TRPA1: variants seen among roughly 807,000 people sequenced by gnomAD.
TRPA1 encodes the protein transient receptor potential cation channel subfamily A member 1, also known as ankyrin-like with transmembrane domains 1.
In TRPA1, 129 loss-of-function variants were observed where a neutral mutation model predicts 131.3. The ratio of observed to expected loss-of-function variants is 0.98; its 90% CI spans 0.85 to 1.14. TRPA1 has a LOEUF of 1.14. TRPA1 is among the 50% of genes most tolerant of loss of function. TRPA1 has a pLI of 0.00. For missense variants in TRPA1, 1,304 were observed against 1,354.2 expected, an observed-to-expected ratio of 0.96 and a Z score of 0.58; for synonymous variants, 441 against 451.7, an observed-to-expected ratio of 0.98 and a Z score of 0.30.
rs533264844 is a variant in TRPA1 at position 72,068,932 on chromosome 8, T to A, written c.444+91A>T. 18 of 1,321,780 alleles carry A rather than the reference T, an allele frequency of 1.4e-5. No homozygotes were observed. The South Asian group carries it at 2.0e-4, about 15-fold the overall frequency. 81.9% of individuals were successfully genotyped at this position (1,321,780 alleles called of 1,614,324 possible). On this transcript the variant is annotated intron_variant, in intron 3 of 26. Coordinates refer to ENST00000262209, the MANE Select transcript of TRPA1 (RefSeq NM_007332.3). ...TTGTTTGCCATGGAAGCTTAGAAGG[T>A]GCTCATCCTGGTGCAAGCAGAGAGA...
chr8:72,062,993 TA>T, intron 5 of TRPA1, 49 bp from the exon 6 acceptor site: 1 of 1,536,338 alleles, frequency 6.5e-7, no homozygotes, highest in South Asian at 1.2e-5. Context: ...AAATAAATAA[TA>T]GGGAGGTTTT....
At chr8:72,057,195 CTG>C (rs150889648) in intron 9 of TRPA1, among the ~76,000 whole-genome samples, 178 bp from the exon 10 acceptor site, 3 of 151,742 alleles carry the variant, frequency 2.0e-5, no homozygotes, top group East Asian at 1.9e-4. Context: ...AACTTACTCT[CTG>C]TGTGTGTGTG....
intron 12 of TRPA1, 77 bp from the exon 13 acceptor site, chr8:72,053,944 C>T: frequency 1.0e-6 from 1 of 962,272 alleles, no homozygotes; most frequent in Non-Finnish European, 1.6e-6. Context: ...TTGGCTTATT[C>T]TAGGTAAATC....
Position 72,036,183 on chromosome 8 carries a change from C to T in TRPA1, c.2555+105G>A. 4.1e-6 allele frequency: 5 copies of T among 1,211,174 alleles called. No homozygotes were observed. The Admixed American group carries it at 8.7e-5, about 21-fold the overall frequency. 75.0% of individuals were successfully genotyped at this position (1,211,174 alleles called of 1,614,324 possible). A position where few individuals can be genotyped will look rare whatever the true frequency, so the allele number is the denominator to read the frequency against. ...AAAAATTCTTCATATTTTGAAACAACTGGAAAAGGAATAAGCCAGTTTTAA... is the reference window on the plus strand; with the variant it reads ...AAAAATTCTTCATATTTTGAAACAATTGGAAAAGGAATAAGCCAGTTTTAA... On this transcript the variant is annotated intron_variant, in intron 21 of 26. Transcript: ENST00000262209.
At chr8:72,057,651 C>G (rs747543371) in intron 9 of TRPA1, 66 bp downstream of exon 9, 3 of 1,170,446 alleles carry the variant, frequency 2.6e-6, no homozygotes, top group Non-Finnish European at 3.9e-6. Flanking sequence ...ATTTGGCACA[C>G]AGTGAATGTT....
At chr8:72,089,330 C>A in the TRPA1 span, among the ~76,000 whole-genome samples, 17,031 of 151,948 alleles carry the variant, frequency 0.11, 1,163 homozygotes, top group Middle Eastern at 0.19. Context: ...TTCTATGGTG[C>A]AACTTTCCTT....
At chr8:72,050,958 G>A in intron 14 of TRPA1, 87 bp from the exon 15 acceptor site, 9 of 995,240 alleles carry the variant, frequency 9.0e-6, no homozygotes, top group Non-Finnish European at 1.4e-5. Flanking sequence ...TTTCTTTAGG[G>A]GAAACCTAAA....
the TRPA1 span, among the ~76,000 whole-genome samples, chr8:72,080,791 G>A: frequency 6.6e-6 from 1 of 151,676 alleles, no homozygotes; most frequent in South Asian, 2.1e-4. Context: ...TGAGAAGTTT[G>A]TCCATTTAAT....
chr8:72,050,094 TC>T (rs1805460558), intron 15 of TRPA1, among the ~76,000 whole-genome samples: 1 of 151,868 alleles, frequency 6.6e-6, no homozygotes, highest in Admixed American at 6.6e-5. Context: ...CACTCCCCTC[TC>T]CCCCCACCCC....
rs137883901 is a variant in TRPA1 at position 72,029,090 on chromosome 8, T to C, written c.2937+811A>G. The stretch of plus-strand genomic sequence containing the variant: ...CAGGAAGGCACCTCACAAGATTCAA[T>C]AGCCAAATACCTAGCCAGGAAACTT... On this transcript the variant is annotated intron_variant, in intron 24 of 26. Transcript: ENST00000262209. Among the ~76,000 whole-genome samples, 16 of 152,328 alleles carry C rather than the reference T, an allele frequency of 1.1e-4. No homozygotes were observed. The East Asian group carries it at 1.9e-3, about 18-fold the overall frequency.
At chr8:72,049,522 T>C (rs986066684) in intron 15 of TRPA1, among the ~76,000 whole-genome samples, 3 of 152,200 alleles carry the variant, frequency 2.0e-5, no homozygotes, top group Non-Finnish European at 4.4e-5. Flanking sequence ...GAAGTCATTC[T>C]GCCTTTCTTG....
upstream of TRPA1, among the ~76,000 whole-genome samples, chr8:72,079,543 A>G (rs377017321): frequency 4.6e-5 from 7 of 151,990 alleles, no homozygotes; most frequent in African/African-American, 1.2e-4. Flanking sequence ...CTAGACCCCT[A>G]TCTTCTTCCA....
At chr8:72,047,997 C>T (rs80253198) in intron 15 of TRPA1, among the ~76,000 whole-genome samples, 2,218 of 151,794 alleles carry the variant, frequency 0.015, 70 homozygotes, top group African/African-American at 0.05. Context: ...GTGTTTGCTT[C>T]TATACCTCAT....
chr8:72,057,225 G>T (rs1354800383), intron 9 of TRPA1, among the ~76,000 whole-genome samples: 1 of 152,078 alleles, frequency 6.6e-6, no homozygotes, highest in Non-Finnish European at 1.5e-5. Context: ...ATGTGTAAGT[G>T]GGGTAGAAAA....
Position 72,059,418 on chromosome 8 carries a change from T to C in TRPA1, c.965A>G (p.His322Arg). Residue 322 changes from histidine to arginine, a missense_variant, in exon 8 of 27, where the codon CAT (histidine) becomes CGT (arginine). Transcript: ENST00000262209. The stretch of plus-strand genomic sequence containing the variant: ...TGAAATTAAATAGTCTGCTAGCTCA[T>C]GGTGATCAAACAATGAAGCTCTGAA... ...MLHRASLFDHHELADYLISVG... is the reference protein window; with the variant it reads ...MLHRASLFDHRELADYLISVG... 1 of 1,585,566 alleles carries C rather than the reference T, an allele frequency of 6.3e-7. No individual in the cohort carries two copies. Among genetic ancestry groups the C allele is most frequent in the Non-Finnish European group, 8.6e-7 (1 of 1,159,428 alleles).
intron 7 of TRPA1, 118 bp downstream of exon 7, chr8:72,061,507 C>A (rs1310582650): frequency 1.7e-6 from 2 of 1,203,830 alleles, no homozygotes; most frequent in East Asian, 4.7e-5. Context: ...TTATCTTTGC[C>A]CTTTTCCTTT....
chr8:72,049,215 A>G (rs987415102), intron 15 of TRPA1, among the ~76,000 whole-genome samples: 1 of 152,210 alleles, frequency 6.6e-6, no homozygotes, highest in African/African-American at 2.4e-5. Flanking sequence ...CAGCACAAAA[A>G]TAGTAGGAGG....
chr8:72,075,540 A>G lies in TRPA1; in HGVS notation c.-131T>C, dbSNP rs1806161028. ...CGAGCTCTCCCGCGCTGCAGCTCAC[A>G]GGCAGCGAAAAAGTCGCTCTGCGGA... On this transcript the variant is annotated 5_prime_UTR_variant, in exon 1 of 27. Coordinates refer to ENST00000262209, the MANE Select transcript of TRPA1 (RefSeq NM_007332.3). 2 of 759,382 alleles carry G rather than the reference A, an allele frequency of 2.6e-6. No homozygotes were observed. The highest frequency in any genetic ancestry group is 1.7e-5 in the African/African-American group (1 of 58,224). 47.0% of individuals were successfully genotyped at this position (759,382 alleles called of 1,614,324 possible). A position where few individuals can be genotyped will look rare whatever the true frequency, so the allele number is the denominator to read the frequency against.
At chr8:72,082,653 A>C in the TRPA1 span, among the ~76,000 whole-genome samples, 3 of 151,194 alleles carry the variant, frequency 2.0e-5, no homozygotes, top group African/African-American at 7.3e-5. Context: ...TCTGGCCTCC[A>C]TTGTTTTCAA....
Sources: allele counts gnomAD v4.1 joint callset (sites outside exome capture counted in the v4.1 genomes callset), GRCh38; gene constraint gnomAD v4.1.1; transcripts MANE v1.5; gene names NCBI Gene and HGNC (gene_info 2026-07-23, HGNC 2026-07-21).